NR2C1: variants seen among roughly 807,000 people sequenced by gnomAD.
NR2C1 encodes TR2 nuclear hormone receptor.
Under a neutral mutation model 74.8 loss-of-function variants are expected in NR2C1, and 33 were observed. The observed-to-expected ratio is 0.44, with a 90% CI of 0.33 to 0.59. The LOEUF (loss-of-function observed/expected upper bound fraction) is 0.59, where lower values mean the gene tolerates loss of function less well. Among genes scored for constraint, NR2C1 ranks in the 20% least tolerant of loss-of-function variants. The pLI, the probability that NR2C1 is intolerant of heterozygous loss-of-function variation, is 0.02. For missense variants in NR2C1, 568 were observed against 715.6 expected (o/e 0.79, Z 2.35); for synonymous variants, 225 against 240.6 (o/e 0.94, Z 0.60).
chr12:95,058,612 A>T (rs1874257822), intron 4 of NR2C1, 123 bp from the exon 5 acceptor site: 1 of 751,198 alleles, frequency 1.3e-6, no homozygotes, highest in Admixed American at 2.8e-5. Flanking sequence ...TTCTGACATG[A>T]AAAACATTTT....
At position 95,040,953 on chromosome 12, in the gene NR2C1, C is replaced by T. The variant is rs1288042114; in HGVS notation, c.1132-356G>A. Among the ~76,000 whole-genome samples the T allele has an allele frequency of 5.9e-5, 9 of 152,230 alleles. 1 individual carries two copies. The South Asian group carries it at 1.2e-3, about 21-fold the overall frequency. ...ATTCAGTTTAAGGAGAAATTCTGTC[C>T]GCTAAATGTTTCTTTCATTTAGGCT... On this transcript the variant is annotated intron_variant, in intron 9 of 13. Coordinates refer to ENST00000333003, the MANE Select transcript of NR2C1 (RefSeq NM_003297.4).
chr12:95,045,673 T>TAATAAAATTTTAG (rs2136140092), intron 9 of NR2C1, among the ~76,000 whole-genome samples: 2 of 152,180 alleles, frequency 1.3e-5, no homozygotes, highest in South Asian at 4.1e-4. Context: ...ATTTTAGAAA[T>TAATAAAATTTTAG]AAGTATATGC....
chr12:95,052,459 T>C (rs993662171), intron 7 of NR2C1, among the ~76,000 whole-genome samples: 10 of 152,066 alleles, frequency 6.6e-5, no homozygotes, highest in African/African-American at 1.9e-4. Context: ...CGGCCGTATA[T>C]GTTACTTTTT....
intron 10 of NR2C1, among the ~76,000 whole-genome samples, chr12:95,037,846 G>A (rs1871049858): frequency 7.1e-6 from 1 of 141,112 alleles, no homozygotes. Context: ...ACTGAGCGGA[G>A]ATCGTGCCAC....
intron 12 of NR2C1, among the ~76,000 whole-genome samples, chr12:95,027,722 T>G (rs145099449): frequency 0.021 from 3,154 of 151,714 alleles, 102 homozygotes; most frequent in African/African-American, 0.072. Context: ...GGCGACAGAG[T>G]GAGACTCAGT....
Position 95,028,437 on chromosome 12 carries a change from A to G in NR2C1, c.1481T>C (p.Ile494Thr). The G allele has an allele frequency of 1.2e-6, 2 of 1,610,232 alleles. No homozygotes were observed. Among genetic ancestry groups the G allele is most frequent in the Non-Finnish European group, 1.7e-6 (2 of 1,177,096 alleles). The change falls in exon 12 of 14, where the codon ATT becomes ACT. Residue 494 changes from isoleucine to threonine, a missense_variant. Physicochemically the swap from Ile to Thr is moderately conservative, Grantham distance 89. Around this residue, in one of 6 missense-constraint regions of NR2C1, gnomAD observed 117 missense variants for 186.7 expected, o/e 0.63. Transcript: ENST00000333003. ...EFCNSMVKLC[I>T]DGYEYAYLKA... ...CAGGTAGGCATATTCGTATCCATCA[A>G]TGCAGAGTTTAACCATGCTGTTACA... is the stretch of plus-strand genomic sequence containing the variant.
rs774985191 is a variant in NR2C1 at position 95,022,415 on chromosome 12, A to C, written c.1638-12T>G. ...GTAGTCTGGATAACCTAAAAAAAGA[A>C]AGAAAAAAGGGAGAGGAACAAGGTT... is the stretch of plus-strand genomic sequence containing the variant. On this transcript the variant is annotated splice_polypyrimidine_tract_variant and intron_variant, in intron 13 of 13. Transcript: ENST00000333003. 1 of 1,593,728 alleles carries C rather than the reference A, an allele frequency of 6.3e-7. No individual in the cohort carries two copies. Among genetic ancestry groups the C allele is most frequent in the Admixed American group, 1.8e-5 (1 of 54,132 alleles).
At chr12:95,064,996 T>C (rs1292205120) in intron 2 of NR2C1, among the ~76,000 whole-genome samples, 1 of 152,218 alleles carries the variant, frequency 6.6e-6, no homozygotes, top group Admixed American at 6.5e-5. Context: ...GGCGCATTCA[T>C]GGTCCAACTG....
chr12:95,037,777 C>T (rs1850034039), intron 10 of NR2C1, among the ~76,000 whole-genome samples: 2 of 151,914 alleles, frequency 1.3e-5, no homozygotes, highest in African/African-American at 2.4e-5. Context: ...TGCCTGTAGT[C>T]CCAGCTACTT....
chr12:95,050,547 G>A (rs1872841062), intron 8 of NR2C1, among the ~76,000 whole-genome samples: 1 of 152,070 alleles, frequency 6.6e-6, no homozygotes, highest in African/African-American at 2.4e-5. Context: ...GACCTCAGGT[G>A]ATCCACCCCT....
At chr12:95,062,450 T>C in intron 3 of NR2C1, 58 bp downstream of exon 3, 2 of 1,179,770 alleles carry the variant, frequency 1.7e-6, no homozygotes, top group South Asian at 1.4e-5. Context: ...GCAGGGCTTA[T>C]GATTAAAATT....
At chr12:95,035,620 T>C (rs753285555) in intron 10 of NR2C1, among the ~76,000 whole-genome samples, 2 of 152,090 alleles carry the variant, frequency 1.3e-5, no homozygotes, top group African/African-American at 2.4e-5. Flanking sequence ...AGATGAGAAA[T>C]AACCTACCAG....
At chr12:95,033,769 A>G (rs1287189144) in intron 10 of NR2C1, among the ~76,000 whole-genome samples, 2 of 152,226 alleles carry the variant, frequency 1.3e-5, no homozygotes, top group African/African-American at 4.8e-5. Flanking sequence ...TCTGTATCTC[A>G]GAGACCAATG....
chr12:95,054,559 C>A (rs1369958414), intron 7 of NR2C1, among the ~76,000 whole-genome samples: 1 of 152,116 alleles, frequency 6.6e-6, no homozygotes, highest in Non-Finnish European at 1.5e-5. Flanking sequence ...CAACTTCAGC[C>A]TCCTGAGCTG....
intron 2 of NR2C1, among the ~76,000 whole-genome samples, chr12:95,064,818 C>A (rs925713539): frequency 1.3e-5 from 2 of 152,156 alleles, no homozygotes; most frequent in Non-Finnish European, 2.9e-5. Context: ...CAATCCTGTT[C>A]CTTCTGTACC....
intron 8 of NR2C1, 146 bp from the exon 9 acceptor site, chr12:95,049,379 C>A: frequency 1.5e-6 from 1 of 660,460 alleles, no homozygotes; most frequent in Non-Finnish European, 2.4e-6. Flanking sequence ...CTCAGCCTTC[C>A]AAAGTGCTGG....
intron 1 of NR2C1, among the ~76,000 whole-genome samples, chr12:95,071,169 C>A (rs1005640885): frequency 6.6e-6 from 1 of 150,994 alleles, no homozygotes; most frequent in African/African-American, 2.4e-5. Context: ...CCATTGCACT[C>A]CAGCTTGGGA....
intron 11 of NR2C1, among the ~76,000 whole-genome samples, 188 bp from the exon 12 acceptor site, chr12:95,028,712 C>T (rs929785171): frequency 6.6e-6 from 1 of 152,186 alleles, no homozygotes; most frequent in Non-Finnish European, 1.5e-5. Context: ...TCACTGCAAC[C>T]TCTGCCTCCT....
At chr12:95,062,177 C>T (rs1329030737) in intron 3 of NR2C1, among the ~76,000 whole-genome samples, 1 of 152,212 alleles carries the variant, frequency 6.6e-6, no homozygotes, top group South Asian at 2.1e-4. Flanking sequence ...CTCCAATAGT[C>T]GATCTTGAAA....
Sources: allele counts gnomAD v4.1 joint callset (sites outside exome capture counted in the v4.1 genomes callset), GRCh38; gene constraint gnomAD v4.1.1; regional missense constraint gnomAD v4.1.1; transcripts MANE v1.5; gene names NCBI Gene and HGNC (gene_info 2026-07-23, HGNC 2026-07-21).